The following DGKG variants were observed in gnomAD, a reference collection of about 807,000 sequenced individuals.
DGKG encodes DAG kinase gamma.
Under a neutral mutation model 105.3 loss-of-function variants are expected in DGKG, and 78 were observed. The ratio of observed to expected loss-of-function variants is 0.74; its 90% CI spans 0.62 to 0.89. DGKG has a LOEUF of 0.89. Ranked by LOEUF, DGKG falls within the 40% of genes least tolerant of loss-of-function variation. The pLI is 0.00. For synonymous variants in DGKG, 346 were observed against 367.1 expected (o/e 0.94, Z 0.66); for missense variants, 958 against 1,020.1 (o/e 0.94, Z 0.83).
chr3:186,352,005 C>G (rs1726654949), intron 1 of DGKG, among the ~76,000 whole-genome samples: 1 of 152,164 alleles, frequency 6.6e-6, no homozygotes, highest in African/African-American at 2.4e-5. Context: ...GTACTGAGGC[C>G]CAAGCTTTGA....
chr3:186,355,720 CCAGCAT>C (rs1246221748), intron 1 of DGKG, among the ~76,000 whole-genome samples: 13 of 152,018 alleles, frequency 8.6e-5, no homozygotes, highest in African/African-American at 2.7e-4. Context: ...AGCACCAGCA[CCAGCAT>C]CACTGTCCTA....
At chr3:186,320,925 C>A (rs949199296) in intron 1 of DGKG, among the ~76,000 whole-genome samples, 27 of 152,180 alleles carry the variant, frequency 1.8e-4, no homozygotes, top group African/African-American at 6.3e-4. Flanking sequence ...GGCCATACTA[C>A]TCAGCTCTGG....
In DGKG at chr3:186,297,435, CA is replaced by C. The variant is rs757947839; in HGVS notation, c.358del (p.Cys120ValfsTer42). The C allele has an allele frequency of 6.2e-7, 1 of 1,612,362 alleles. No homozygotes were observed. The highest frequency in any genetic ancestry group is 1.1e-5 in the South Asian group (1 of 91,038). On this transcript the variant is annotated frameshift_variant, in exon 5 of 25. Coordinates refer to ENST00000265022, the MANE Select transcript of DGKG (RefSeq NM_001346.3). LOFTEE classifies it high-confidence loss of function. ...CAAAGACTTACCAGTATCAGGGGCA[CA>C]GGCCTCGTCTGCTTTGGTGGCATTA... ...ADNATKADEA[C>X]APDTESNMAE...
intron 1 of DGKG, among the ~76,000 whole-genome samples, chr3:186,332,086 A>G (rs1476129051): frequency 6.6e-6 from 1 of 152,176 alleles, no homozygotes; most frequent in Admixed American, 6.5e-5. Context: ...GCAGGTACAG[A>G]TGCCATTAAT....
rs1452573661 is a variant in DGKG, at chr3:186,297,068, T to TCTCTCACACACA, written c.373+352_373+353insTGTGTGTGAGAG. Among the ~76,000 whole-genome samples, 9 of 130,506 alleles carry TCTCTCACACACA rather than the reference T, an allele frequency of 6.9e-5. 1 individual carries two copies. In the South Asian group the frequency reaches 1.1e-3, roughly 16 times the overall value. 85.6% of individuals were successfully genotyped at this position (130,506 alleles called of 152,430 possible). ...CTCTCTGTCTGTCTGTCTGTCTCTC[T>TCTCTCACACACA]CACACACACACACACACACACACAC... On this transcript the variant is annotated intron_variant, in intron 5 of 24. Transcript: ENST00000265022.
chr3:186,162,671 C>G (rs1237738423), intron 23 of DGKG, among the ~76,000 whole-genome samples: 1 of 151,966 alleles, frequency 6.6e-6, no homozygotes, highest in African/African-American at 2.4e-5. Flanking sequence ...TCCCGAGTAA[C>G]TGGGACTATA....
chr3:186,171,265 T>C (rs1471613286), intron 22 of DGKG, among the ~76,000 whole-genome samples: 2 of 152,240 alleles, frequency 1.3e-5, no homozygotes, highest in Non-Finnish European at 2.9e-5. Flanking sequence ...AAAAGGTTCT[T>C]GATATATGTT....
intron 22 of DGKG, among the ~76,000 whole-genome samples, chr3:186,171,661 T>C (rs1716824446): frequency 6.6e-6 from 1 of 152,226 alleles, no homozygotes; most frequent in Non-Finnish European, 1.5e-5. Context: ...ATCTTTGATC[T>C]GCTCTTGGTT....
At chr3:186,292,558 C>T (rs1560137214) in intron 5 of DGKG, among the ~76,000 whole-genome samples, 1 of 152,162 alleles carries the variant, frequency 6.6e-6, no homozygotes, top group African/African-American at 2.4e-5. Flanking sequence ...CTTTGGGAGG[C>T]CGAGGTGGGT....
At chr3:186,311,017 G>C (rs1724516231) in intron 2 of DGKG, among the ~76,000 whole-genome samples, 1 of 152,160 alleles carries the variant, frequency 6.6e-6, no homozygotes, top group South Asian at 2.1e-4. Flanking sequence ...GGATTCACTG[G>C]ATACTTGAAC....
intron 11 of DGKG, among the ~76,000 whole-genome samples, chr3:186,270,792 C>T (rs1008556245): frequency 6.6e-6 from 1 of 152,218 alleles, no homozygotes; most frequent in African/African-American, 2.4e-5. Flanking sequence ...ATCGCCTTAC[C>T]CATTCTCTTT....
intron 24 of DGKG, chr3:186,158,640 G>C: frequency 1.1e-6 from 1 of 922,386 alleles, no homozygotes; most frequent in Middle Eastern, 5.6e-4. Flanking sequence ...ATTTCTTTAT[G>C]AGTTATAGAG....
At chr3:186,233,533 G>T (rs1288640644) in intron 20 of DGKG, among the ~76,000 whole-genome samples, 1 of 152,194 alleles carries the variant, frequency 6.6e-6, no homozygotes, top group African/African-American at 2.4e-5. Context: ...AGGCTGGACT[G>T]CAGTGGCGCG....
At position 186,295,712 on chromosome 3, in the gene DGKG, A is replaced by G. The variant is rs953665944; in HGVS notation, c.373+1709T>C. Among the ~76,000 whole-genome samples, 4 of 149,120 alleles carry G rather than the reference A, an allele frequency of 2.7e-5. No homozygotes were observed. In the South Asian group the frequency reaches 8.5e-4, roughly 32 times the overall value. Reference sequence around the variant, plus strand: ...GAAAGCTTCAGGAACAACCTGGGAGAAAGAAAGCCCATGAGAGACCTTTCA... The same window carrying G: ...GAAAGCTTCAGGAACAACCTGGGAGGAAGAAAGCCCATGAGAGACCTTTCA... On this transcript the variant is annotated intron_variant, in intron 5 of 24. Transcript: ENST00000265022.
At chr3:186,270,089 A>G (rs994933653) in intron 11 of DGKG, among the ~76,000 whole-genome samples, 2 of 152,008 alleles carry the variant, frequency 1.3e-5, no homozygotes, top group African/African-American at 4.8e-5. Flanking sequence ...AAACCCAGGA[A>G]ATATCTGCGT....
chr3:186,268,918 C>T lies in DGKG; in HGVS notation c.1000-1G>A, dbSNP rs762274816. ...CTTCCACCCATGCGTGCTGCATCAC[C>T]TGCGGGAGGGAAGCGAACGATGCCA... On this transcript the variant is annotated splice_acceptor_variant, in intron 11 of 24. Transcript: ENST00000265022. LOFTEE classifies it high-confidence loss of function. The T allele has an allele frequency of 6.2e-7, 1 of 1,610,068 alleles. No individual in the cohort carries two copies. Among genetic ancestry groups the T allele is most frequent in the Non-Finnish European group, 8.5e-7 (1 of 1,176,592 alleles).
chr3:186,189,427 T>C (rs1245757714), intron 21 of DGKG, among the ~76,000 whole-genome samples: 1 of 152,198 alleles, frequency 6.6e-6, no homozygotes, highest in Non-Finnish European at 1.5e-5. Context: ...AGTAGGTAGT[T>C]TATTTCACTT....
rs936452797 is a variant in DGKG, at chr3:186,160,602, G to A, written c.2277+1001C>T. ...GGTTCATGGAAACCTTCCTTTAGTAGAAGACAATTTGATGTTCTGGAGGGC... is the reference window on the plus strand; with the variant it reads ...GGTTCATGGAAACCTTCCTTTAGTAAAAGACAATTTGATGTTCTGGAGGGC... On this transcript the variant is annotated intron_variant, in intron 24 of 24. Coordinates refer to ENST00000265022, the MANE Select transcript of DGKG (RefSeq NM_001346.3). 14 of 985,276 alleles carry A rather than the reference G, an allele frequency of 1.4e-5. No individual in the cohort carries two copies. The East Asian group carries it at 1.5e-3, about 104-fold the overall frequency. 61.0% of individuals were successfully genotyped at this position (985,276 alleles called of 1,614,324 possible). A position where few individuals can be genotyped will look rare whatever the true frequency, so the allele number is the denominator to read the frequency against.
intron 22 of DGKG, among the ~76,000 whole-genome samples, chr3:186,180,451 G>C (rs1578629627): frequency 6.6e-6 from 1 of 152,154 alleles, no homozygotes; most frequent in East Asian, 1.9e-4. Context: ...CACACCCATA[G>C]TACTTCTGGG....
Sources: allele counts gnomAD v4.1 joint callset (sites outside exome capture counted in the v4.1 genomes callset), GRCh38; gene constraint gnomAD v4.1.1; transcripts MANE v1.5; gene names NCBI Gene and HGNC (gene_info 2026-07-23, HGNC 2026-07-21).